The following IGF1R variants were observed in gnomAD, a reference collection of about 807,000 sequenced individuals.
IGF1R encodes the protein insulin-like growth factor 1 receptor.
Under a neutral mutation model 144.6 loss-of-function variants are expected in IGF1R, and 44 were observed. That is an observed-to-expected ratio of 0.30 (90% CI 0.24 to 0.39). IGF1R has a LOEUF of 0.39. Ranked by LOEUF, IGF1R falls within the 10% of genes least tolerant of loss-of-function variation. The pLI, the probability that IGF1R is intolerant of heterozygous loss-of-function variation, is 1.00. For synonymous variants in IGF1R, 795 were observed against 722.8 expected, an observed-to-expected ratio of 1.10 and a Z score of -1.60; for missense variants, 1,355 against 1,833.7, an observed-to-expected ratio of 0.74 and a Z score of 4.77.
rs373500508 is a variant in IGF1R at position 98,957,202 on chromosome 15, C to T, written c.3864C>T (p.Pro1288=). Residue 1288 remains proline (P), a synonymous_variant, in exon 21 of 21, where the codon CCC becomes CCT. Coordinates refer to ENST00000650285, the MANE Select transcript of IGF1R (RefSeq NM_000875.5). The part of the protein sequence containing the change: ...SFYYSEENKL[P]EPEELDLEPE... ...ACTACAGCGAGGAGAACAAGCTGCC[C>T]GAGCCGGAGGAGCTGGACCTGGAGC... 26 of 1,614,082 alleles carry T rather than the reference C, an allele frequency of 1.6e-5. No homozygotes were observed. Among genetic ancestry groups the T allele is most frequent in the Admixed American group, 8.3e-5 (5 of 60,012 alleles).
rs147486288 is a variant in IGF1R, at chr15:98,899,586, C to T, written c.1212C>T (p.Asn404=). 5.6e-5 allele frequency: 90 copies of T among 1,614,170 alleles called. No homozygotes were observed. The highest frequency in any genetic ancestry group is 2.8e-4 in the Admixed American group (17 of 60,014). The change falls in exon 5 of 21, where the codon AAC becomes AAT. Residue 404 remains asparagine (N), a synonymous_variant. Transcript: ENST00000650285. ...HALVSLSFLK[N]LRLILGEEQL... ...TGGTCTCCTTGTCCTTCCTAAAAAA[C>T]CTTCGCCTCATCCTAGGAGAGGAGC...
intron 2 of IGF1R, among the ~76,000 whole-genome samples, chr15:98,800,596 C>T (rs909919097): frequency 3.3e-5 from 5 of 152,164 alleles, no homozygotes; most frequent in Non-Finnish European, 7.4e-5. Context: ...GCGTTAGAAC[C>T]GCCACTGAAC....
At chr15:98,929,289 T>C (rs2015848579) in intron 13 of IGF1R, among the ~76,000 whole-genome samples, 1 of 152,156 alleles carries the variant, frequency 6.6e-6, no homozygotes, top group African/African-American at 2.4e-5. Flanking sequence ...TTTTCTTCAG[T>C]CTATCATTGA....
intron 2 of IGF1R, among the ~76,000 whole-genome samples, chr15:98,850,537 A>AG (rs2011491127): frequency 6.6e-6 from 1 of 152,232 alleles, no homozygotes; most frequent in South Asian, 2.1e-4. Flanking sequence ...GGTTGCAACG[A>AG]GGCCTCTCTG....
chr15:98,862,342 T>C (rs550641449), intron 2 of IGF1R, among the ~76,000 whole-genome samples: 1 of 152,364 alleles, frequency 6.6e-6, no homozygotes, highest in East Asian at 1.9e-4. Flanking sequence ...GTGCATTTTG[T>C]TGACTGTTCC....
At chr15:98,650,330 G>T (rs2052326074) in intron 1 of IGF1R, among the ~76,000 whole-genome samples, 1 of 152,154 alleles carries the variant, frequency 6.6e-6, no homozygotes, top group Non-Finnish European at 1.5e-5. Context: ...ACTTTGGCCC[G>T]CTCCTCGTTG....
At chr15:98,902,818 C>T (rs2014552147) in intron 5 of IGF1R, among the ~76,000 whole-genome samples, 2 of 152,190 alleles carry the variant, frequency 1.3e-5, no homozygotes, top group Admixed American at 1.3e-4. Context: ...GAGAACAGAA[C>T]AATTCAAGGT....
chr15:98,656,187 T>C (rs1052115454), intron 1 of IGF1R, among the ~76,000 whole-genome samples: 1 of 152,182 alleles, frequency 6.6e-6, no homozygotes, highest in Non-Finnish European at 1.5e-5. Context: ...GGCTGGCTAG[T>C]CACATGGGGA....
At chr15:98,722,418 G>A (rs918782084) in intron 2 of IGF1R, among the ~76,000 whole-genome samples, 2 of 152,156 alleles carry the variant, frequency 1.3e-5, no homozygotes, top group African/African-American at 2.4e-5. Context: ...CAAGGCCCTC[G>A]ACTCGTGAAT....
chr15:98,721,169 A>C (rs1175902221), intron 2 of IGF1R, among the ~76,000 whole-genome samples: 1 of 152,134 alleles, frequency 6.6e-6, no homozygotes, highest in Non-Finnish European at 1.5e-5. Context: ...TTGATCTTCC[A>C]TGAAGCCCCC....
intron 19 of IGF1R, among the ~76,000 whole-genome samples, chr15:98,943,682 A>G (rs909431386): frequency 6.6e-6 from 1 of 152,246 alleles, no homozygotes; most frequent in Non-Finnish European, 1.5e-5. Flanking sequence ...AACATTGCAG[A>G]GAGGCAGTCA....
chr15:98,684,794 C>G (rs149779029), intron 1 of IGF1R, among the ~76,000 whole-genome samples: 1 of 152,072 alleles, frequency 6.6e-6, no homozygotes, highest in Non-Finnish European at 1.5e-5. Flanking sequence ...TGCATTCTAT[C>G]CAGCGCTAAT....
chr15:98,921,115 T>G (rs1466697622), intron 10 of IGF1R, among the ~76,000 whole-genome samples: 1 of 152,206 alleles, frequency 6.6e-6, no homozygotes, highest in African/African-American at 2.4e-5. Context: ...TGCCTATTCC[T>G]AAGACCGGTG....
intron 2 of IGF1R, among the ~76,000 whole-genome samples, chr15:98,862,055 C>CTT (rs34992488): frequency 1.3e-4 from 20 of 152,242 alleles, no homozygotes; most frequent in Admixed American, 9.8e-4. Flanking sequence ...CTGACAAACT[C>CTT]TTTTTATTGC....
intron 1 of IGF1R, among the ~76,000 whole-genome samples, chr15:98,702,887 C>T (rs974536330): frequency 2.0e-5 from 3 of 152,126 alleles, no homozygotes; most frequent in African/African-American, 7.2e-5. Flanking sequence ...CATTGAGCCA[C>T]GATTGTGCTG....
intron 2 of IGF1R, among the ~76,000 whole-genome samples, chr15:98,807,162 G>T (rs1198751247): frequency 6.6e-6 from 1 of 152,144 alleles, no homozygotes; most frequent in Non-Finnish European, 1.5e-5. Context: ...GTAGCATGGT[G>T]GGATTTTTAT....
chr15:98,868,677 A>C (rs2012601807), intron 2 of IGF1R, among the ~76,000 whole-genome samples: 1 of 151,916 alleles, frequency 6.6e-6, no homozygotes, highest in Non-Finnish European at 1.5e-5. Context: ...AGTCACACAC[A>C]CTCTCTCTTT....
chr15:98,898,019 G>A (rs1398949484), intron 4 of IGF1R, among the ~76,000 whole-genome samples: 1 of 151,766 alleles, frequency 6.6e-6, no homozygotes, highest in Non-Finnish European at 1.5e-5. Flanking sequence ...TATTCTTAAG[G>A]TTTAGAAAGG....
intron 5 of IGF1R, among the ~76,000 whole-genome samples, chr15:98,902,415 C>CG (rs1555458789): frequency 8.3e-6 from 1 of 119,846 alleles, no homozygotes; most frequent in Non-Finnish European, 1.7e-5. Context: ...TTTTCTTGAA[C>CG]TTTTTTTTTT....
Sources: allele counts gnomAD v4.1 joint callset (sites outside exome capture counted in the v4.1 genomes callset), GRCh38; gene constraint gnomAD v4.1.1; transcripts MANE v1.5; gene names NCBI Gene and HGNC (gene_info 2026-07-23, HGNC 2026-07-21).